The following CLSTN2 variants were observed in gnomAD, a reference collection of about 807,000 sequenced individuals.
CLSTN2 encodes the protein calsyntenin 2.
CLSTN2 carries 48 observed loss-of-function variants against 101.2 expected under a neutral mutation model. The ratio of observed to expected loss-of-function variants is 0.47; its 90% CI spans 0.38 to 0.60. The LOEUF is 0.60. CLSTN2 is among the 20% of genes least tolerant of loss of function. CLSTN2 has a pLI of 0.00. For synonymous variants in CLSTN2, 481 were observed against 463.6 expected (o/e 1.04, Z -0.48); for missense variants, 1,160 against 1,238.2 (o/e 0.94, Z 0.95).
chr3:140,018,791 C>T (rs2007249924), intron 1 of CLSTN2, among the ~76,000 whole-genome samples: 1 of 152,126 alleles, frequency 6.6e-6, no homozygotes, highest in Non-Finnish European at 1.5e-5. Context: ...TGCCCCAAGT[C>T]ACTCAAGATA....
Position 139,965,094 on chromosome 3 carries a change from C to T in CLSTN2, c.109+29611C>T, listed in dbSNP as rs150468066. 2.0e-4 allele frequency among the ~76,000 whole-genome samples: 31 copies of T among 152,264 alleles called. No homozygotes were observed. In the East Asian group the frequency reaches 5.8e-3, roughly 28 times the overall value. ...TGATTTTCATGCCACCCTCTCTTGG[C>T]CCCACGAAGTTTGCATGGTGTTATT... On this transcript the variant is annotated intron_variant, in intron 1 of 16. Coordinates refer to ENST00000458420, the MANE Select transcript of CLSTN2 (RefSeq NM_022131.3).
chr3:140,536,412 C>T (rs1333053375), intron 9 of CLSTN2, among the ~76,000 whole-genome samples: 1 of 152,118 alleles, frequency 6.6e-6, no homozygotes, highest in Non-Finnish European at 1.5e-5. Flanking sequence ...ATCTGCAAGA[C>T]CATAGCATGA....
intron 12 of CLSTN2, 66 bp from the exon 13 acceptor site, chr3:140,562,072 G>C (rs1292518985): frequency 6.8e-7 from 1 of 1,460,066 alleles, no homozygotes; most frequent in Non-Finnish European, 9.5e-7. Flanking sequence ...GGAGGAAGGT[G>C]ATTAGCAAGG....
intron 2 of CLSTN2, among the ~76,000 whole-genome samples, chr3:140,290,124 T>C (rs2086934501): frequency 1.3e-5 from 2 of 152,050 alleles, no homozygotes; most frequent in Admixed American, 1.3e-4. Context: ...ATTGTCATTA[T>C]CTTTCTGTAT....
chr3:140,367,582 A>G (rs897356643), intron 2 of CLSTN2, among the ~76,000 whole-genome samples: 3 of 151,144 alleles, frequency 2.0e-5, no homozygotes, highest in East Asian at 1.9e-4. Context: ...GAACTTGACT[A>G]TTACAGAACT....
chr3:140,292,539 C>G (rs1230207799), intron 2 of CLSTN2, among the ~76,000 whole-genome samples: 1 of 152,196 alleles, frequency 6.6e-6, no homozygotes, highest in Non-Finnish European at 1.5e-5. Flanking sequence ...TACCTTTACC[C>G]ATAAGCTGCA....
chr3:140,412,323 A>G (rs1199803993), intron 4 of CLSTN2, among the ~76,000 whole-genome samples: 2 of 152,166 alleles, frequency 1.3e-5, no homozygotes, highest in African/African-American at 4.8e-5. Flanking sequence ...CCCCATGGGG[A>G]GTTTTAATTG....
intron 8 of CLSTN2, among the ~76,000 whole-genome samples, chr3:140,503,121 G>C (rs2107763319): frequency 6.6e-6 from 1 of 152,230 alleles, no homozygotes. Flanking sequence ...TGGCTCTCCT[G>C]CCTCCCTCTT....
At position 140,234,734 on chromosome 3, in the gene CLSTN2, G is replaced by C. The variant is rs980269216; in HGVS notation, c.232+58661G>C. Reference sequence around the variant, plus strand: ...GAGAAGATCAGAACTGTGGCTCTACGTGTTTCACTTGCTCTGATGTCACTC... The same window carrying C: ...GAGAAGATCAGAACTGTGGCTCTACCTGTTTCACTTGCTCTGATGTCACTC... On this transcript the variant is annotated intron_variant, in intron 2 of 16. Transcript: ENST00000458420. Among the ~76,000 whole-genome samples, 13 of 152,252 alleles carry C rather than the reference G, an allele frequency of 8.5e-5. No homozygotes were observed. In the East Asian group the frequency reaches 2.3e-3, roughly 27 times the overall value.
At chr3:140,198,566 T>A (rs2010677978) in intron 2 of CLSTN2, among the ~76,000 whole-genome samples, 1 of 152,128 alleles carries the variant, frequency 6.6e-6, no homozygotes, top group Admixed American at 6.5e-5. Flanking sequence ...TGGGGGATGT[T>A]CTCAGCTCCT....
intron 8 of CLSTN2, among the ~76,000 whole-genome samples, chr3:140,492,224 T>C (rs1934367563): frequency 6.6e-6 from 1 of 152,220 alleles, no homozygotes; most frequent in African/African-American, 2.4e-5. Flanking sequence ...TGTATATTGC[T>C]TGTGGGAGTA....
chr3:140,382,541 C>A (rs2087996856), intron 2 of CLSTN2, among the ~76,000 whole-genome samples: 1 of 152,184 alleles, frequency 6.6e-6, no homozygotes, highest in Non-Finnish European at 1.5e-5. Flanking sequence ...ACAGCCAGTG[C>A]CATCTTTGTT....
chr3:140,076,653 TCCTAGCC>T (rs2008498389), intron 1 of CLSTN2, among the ~76,000 whole-genome samples: 1 of 107,606 alleles, frequency 9.3e-6, no homozygotes, highest in African/African-American at 3.1e-5. Flanking sequence ...TTTTTTTTTT[TCCTAGCC>T]TTCGAGGCCC....
In CLSTN2 at chr3:140,349,435, G is replaced by A. The variant is rs1388394805; in HGVS notation, c.233-54194G>A. 5.9e-5 allele frequency among the ~76,000 whole-genome samples: 9 copies of A among 152,134 alleles called. 1 individual carries two copies. The South Asian group carries it at 6.2e-4, about 11-fold the overall frequency. ...GAAGTTAGTATAGGAATAAAGGCTC[G>A]TGTTCTCTTTTGTAAAATGAAAATC... On this transcript the variant is annotated intron_variant, in intron 2 of 16. Transcript: ENST00000458420.
chr3:140,164,007 T>C (rs1046325407), intron 1 of CLSTN2, among the ~76,000 whole-genome samples: 3 of 152,142 alleles, frequency 2.0e-5, no homozygotes, highest in African/African-American at 7.2e-5. Flanking sequence ...GTGTGAGATA[T>C]TGAAGTAATA....
intron 1 of CLSTN2, among the ~76,000 whole-genome samples, chr3:140,008,321 T>C (rs974139531): frequency 1.3e-5 from 2 of 152,262 alleles, no homozygotes; most frequent in African/African-American, 4.8e-5. Flanking sequence ...CCTGGTATCA[T>C]TGCCCCTGGC....
chr3:140,404,633 T>G lies in CLSTN2; in HGVS notation c.504T>G (p.Val168=). The change falls in exon 4 of 17, where the codon GTT becomes GTG. Residue 168 remains valine, a synonymous_variant. Transcript: ENST00000458420. The part of the protein sequence containing the change: ...PTFKEPAYKA[V]VTEGKIYDSI... ...TCAAAGAGCCAGCCTACAAGGCTGT[T>G]GTGACGGAGGGCAAGATCTATGACA... is the stretch of plus-strand genomic sequence containing the variant. 4 of 1,614,206 alleles carry G rather than the reference T, an allele frequency of 2.5e-6. No individual in the cohort carries two copies. Among genetic ancestry groups the G allele is most frequent in the Admixed American group, 3.3e-5 (2 of 60,026 alleles).
intron 1 of CLSTN2, among the ~76,000 whole-genome samples, chr3:139,994,656 C>T (rs557746632): frequency 1.3e-5 from 2 of 152,160 alleles, no homozygotes; most frequent in Non-Finnish European, 1.5e-5. Context: ...CCTTGATACC[C>T]CTCCACTGCC....
At chr3:140,232,552 C>T (rs2107861140) in intron 2 of CLSTN2, among the ~76,000 whole-genome samples, 1 of 152,220 alleles carries the variant, frequency 6.6e-6, no homozygotes, top group South Asian at 2.1e-4. Context: ...GGCTGATGTT[C>T]CAAATCCCAA....
Sources: gnomAD v4.1 joint callset for allele counts (sites outside exome capture counted in the v4.1 genomes callset) on GRCh38, gnomAD v4.1.1 for gene constraint, MANE v1.5 for transcripts, NCBI Gene and HGNC (gene_info 2026-07-23, HGNC 2026-07-21) for gene names.